Variants in LRP8 observed in about 807,000 individuals in gnomAD.
LRP8 encodes the protein low-density lipoprotein receptor-related protein 8.
A neutral mutation model predicts 111.6 loss-of-function variants in LRP8; 46 were observed. The observed-to-expected ratio is 0.41, with a 90% CI of 0.33 to 0.53. LRP8 has a LOEUF of 0.53. Among genes scored for constraint, LRP8 ranks in the 20% least tolerant of loss-of-function variants. LRP8 has a pLI of 0.20. For synonymous variants in LRP8, 464 were observed against 511.2 expected, an observed-to-expected ratio of 0.91 and a Z score of 1.24; for missense variants, 959 against 1,297.4, an observed-to-expected ratio of 0.74 and a Z score of 4.01.
At chr1:53,298,287 G>T (rs1020762864) in intron 2 of LRP8, among the ~76,000 whole-genome samples, 2 of 152,144 alleles carry the variant, frequency 1.3e-5, no homozygotes, top group Non-Finnish European at 2.9e-5. Flanking sequence ...GACCGACAAA[G>T]GCGTCTTCCT....
chr1:53,283,303 A>AC (rs1553183707), intron 3 of LRP8, among the ~76,000 whole-genome samples: 2 of 151,940 alleles, frequency 1.3e-5, no homozygotes, highest in African/African-American at 2.4e-5. Context: ...TGGACTTCCT[A>AC]CCCTCCAGAA....
Position 53,257,240 on chromosome 1 carries a change from A to G in LRP8, c.2434T>C (p.Tyr812His). 2 of 1,613,870 alleles carry G rather than the reference A, an allele frequency of 1.2e-6. No homozygotes were observed. The highest frequency in any genetic ancestry group is 1.7e-6 in the Non-Finnish European group (2 of 1,179,946). ...AAGAATGCAGAACTCATTTCCTTAC[A>G]GTGCTGGGAGTGGTTGCTGGTTGCA... ...SPATSNHSQHYANEDSKMGST... is the reference protein window; with the variant it reads ...SPATSNHSQHHANEDSKMGST... Residue 812 changes from tyrosine (Y) to histidine (H), a missense_variant and splice_region_variant, in exon 15 of 19, where the codon TAT (tyrosine) becomes CAT (histidine). By Grantham distance (83) the Tyr-to-His change is moderately conservative. This residue lies in a region of LRP8 where 819 missense variants were observed against 1,097.6 expected (regional missense o/e 0.75). Transcript: ENST00000306052.
chr1:53,289,468 G>T, intron 3 of LRP8, 99 bp downstream of exon 3: 3 of 1,467,846 alleles, frequency 2.0e-6, no homozygotes, highest in South Asian at 2.7e-5. Context: ...GGCACAGAAT[G>T]TTCAACTGGT....
intron 4 of LRP8, among the ~76,000 whole-genome samples, chr1:53,277,515 G>GTATC (rs1053995292): frequency 6.6e-6 from 1 of 152,132 alleles, no homozygotes; most frequent in Non-Finnish European, 1.5e-5. Context: ...CCCTGGCCTG[G>GTATC]TATCCAAGGC....
chr1:53,292,863 CCAGT>C (rs1649044434), intron 2 of LRP8, among the ~76,000 whole-genome samples: 1 of 152,182 alleles, frequency 6.6e-6, no homozygotes, highest in Non-Finnish European at 1.5e-5. Context: ...CCACGGCTCC[CCAGT>C]CAAACATTCA....
At chr1:53,267,018 A>G (rs1572483748) in intron 8 of LRP8, 1 of 191,210 alleles carries the variant, frequency 5.2e-6, no homozygotes, top group Non-Finnish European at 1.1e-5. Context: ...AGATACCATT[A>G]CCTAGCCATG....
At chr1:53,322,265 A>C (rs1051527792) in intron 2 of LRP8, among the ~76,000 whole-genome samples, 2 of 152,146 alleles carry the variant, frequency 1.3e-5, no homozygotes, top group Non-Finnish European at 2.9e-5. Flanking sequence ...GGATGTAAAA[A>C]CCAGGTGTGT....
chr1:53,302,912 C>A (rs570510132), intron 2 of LRP8, among the ~76,000 whole-genome samples: 1 of 147,826 alleles, frequency 6.8e-6, no homozygotes, highest in Non-Finnish European at 1.5e-5. Context: ...GCTGCCCAGG[C>A]GGCCTAGAGC....
At chr1:53,288,632 G>A (rs1282439272) in intron 3 of LRP8, among the ~76,000 whole-genome samples, 1 of 152,104 alleles carries the variant, frequency 6.6e-6, no homozygotes, top group African/African-American at 2.4e-5. Context: ...GGCGTTAGAT[G>A]GGACTCCGGT....
intron 16 of LRP8, among the ~76,000 whole-genome samples, chr1:53,251,306 C>T (rs1346517629): frequency 6.6e-6 from 1 of 152,120 alleles, no homozygotes; most frequent in African/African-American, 2.4e-5. Context: ...CCTAATGCTG[C>T]TGCTTCCCTA....
In LRP8 at chr1:53,257,245, T is replaced by C; in HGVS notation, c.2429A>G (p.Gln810Arg). The change falls in exon 15 of 19, where the codon CAG becomes CGG. Residue 810 changes from glutamine (Q) to arginine (R), a missense_variant. Transcript: ENST00000306052. ...TGCAGAACTCATTTCCTTACAGTGC[T>C]GGGAGTGGTTGCTGGTTGCAGGGCT... The part of the protein sequence containing the change: ...TLSPATSNHS[Q>R]HYANEDSKMG... The C allele has an allele frequency of 6.2e-7, 1 of 1,614,016 alleles. No homozygotes were observed. The highest frequency in any genetic ancestry group is 8.5e-7 in the Non-Finnish European group (1 of 1,179,982).
At chr1:53,309,172 G>C (rs1463197475) in intron 2 of LRP8, among the ~76,000 whole-genome samples, 1 of 152,184 alleles carries the variant, frequency 6.6e-6, no homozygotes, top group African/African-American at 2.4e-5. Context: ...CTACTTGGGA[G>C]TCTAAGGCAA....
intron 2 of LRP8, among the ~76,000 whole-genome samples, chr1:53,316,066 C>A (rs185266417): frequency 1.6e-3 from 246 of 152,352 alleles, no homozygotes; most frequent in Admixed American, 2.4e-3. Context: ...GAAGAACCGA[C>A]TGGCTCATGG....
intron 2 of LRP8, among the ~76,000 whole-genome samples, chr1:53,310,713 T>C (rs1652830539): frequency 6.6e-6 from 1 of 152,106 alleles, no homozygotes; most frequent in African/African-American, 2.4e-5. Context: ...AGAAAGAACT[T>C]CGTTTCTGAA....
At chr1:53,301,178 T>A (rs901315127) in intron 2 of LRP8, among the ~76,000 whole-genome samples, 2 of 152,128 alleles carry the variant, frequency 1.3e-5, no homozygotes, top group African/African-American at 2.4e-5. Flanking sequence ...CAGGGGCTCC[T>A]GAGAACCTTC....
intron 3 of LRP8, among the ~76,000 whole-genome samples, chr1:53,286,643 A>G (rs577464556): frequency 3.7e-4 from 57 of 152,378 alleles, no homozygotes; most frequent in African/African-American, 1.3e-3. Flanking sequence ...TAGGTACAGA[A>G]CACAGAACCA....
At chr1:53,273,078 C>G (rs1646810524) in intron 6 of LRP8, among the ~76,000 whole-genome samples, 1 of 152,216 alleles carries the variant, frequency 6.6e-6, no homozygotes, top group African/African-American at 2.4e-5. Flanking sequence ...GAAAGGAGAG[C>G]AGGTCTGCAC....
At chr1:53,327,421 G>A (rs775273372) in intron 1 of LRP8, 9 of 264,808 alleles carry the variant, frequency 3.4e-5, no homozygotes, top group Non-Finnish European at 6.4e-5. Flanking sequence ...TTGTCAAGCG[G>A]AGAAGCCGCC....
In LRP8 at chr1:53,275,964, A is replaced by T. The variant is rs1248928860; in HGVS notation, c.884-211T>A. On this transcript the variant is annotated intron_variant, in intron 5 of 18. Coordinates refer to ENST00000306052, the MANE Select transcript of LRP8 (RefSeq NM_004631.5). This position sits in a 1 kb window ranked among gnomAD's most constrained non-coding sequence, Gnocchi z 4.4. ...GAGGGGGAAGGCCTTGCCCAGGGTC[A>T]CACAGCACTCTGGCTGGCAGATTCA... 6.6e-6 allele frequency among the ~76,000 whole-genome samples: 1 copy of T among 152,160 alleles called. No individual in the cohort carries two copies. The highest frequency in any genetic ancestry group is 1.5e-5 in the Non-Finnish European group (1 of 68,016).
Sources: gnomAD v4.1 joint callset for allele counts (sites outside exome capture counted in the v4.1 genomes callset) on GRCh38, gnomAD v4.1.1 for gene constraint, gnomAD v4.1.1 regional missense constraint, Gnocchi (gnomAD v3.1) non-coding constraint, MANE v1.5 for transcripts, NCBI Gene and HGNC (gene_info 2026-07-23, HGNC 2026-07-21) for gene names.